ARID3A: variants seen among roughly 807,000 people sequenced by gnomAD.
ARID3A encodes the protein AT-rich interactive domain-containing protein 3A.
ARID3A carries 11 observed loss-of-function variants against 52.7 expected under a neutral mutation model. That is an observed-to-expected ratio of 0.21 (90% CI 0.13 to 0.35). The LOEUF (loss-of-function observed/expected upper bound fraction) is 0.35, where lower values mean the gene tolerates loss of function less well. ARID3A is among the 10% of genes least tolerant of loss of function. The probability of loss-of-function intolerance (pLI) is 1.00; values close to 1 mark genes in which losing one functional copy is unlikely to be tolerated. For missense variants in ARID3A, 721 were observed against 838.5 expected, an observed-to-expected ratio of 0.86 and a Z score of 1.73; for synonymous variants, 404 against 359.4, an observed-to-expected ratio of 1.12 and a Z score of -1.40.
Position 941,149 on chromosome 19 carries a change from A to G in ARID3A, c.693+8407A>G, listed in dbSNP as rs1300656576. On this transcript the variant is annotated intron_variant, in intron 3 of 8. Coordinates refer to ENST00000263620, the MANE Select transcript of ARID3A (RefSeq NM_005224.3). This position sits in a 1 kb window ranked among gnomAD's most constrained non-coding sequence, Gnocchi z 6.9. ...CCCGCCCCATGCTTTCTAATAACAC[A>G]CGCGGCAGCCCGAGGGAGCGGTGCC... Among the ~76,000 whole-genome samples the G allele has an allele frequency of 6.6e-6, 1 of 151,914 alleles. No homozygotes were observed. Among genetic ancestry groups the G allele is most frequent in the Non-Finnish European group, 1.5e-5 (1 of 67,932 alleles).
intron 2 of ARID3A, 78 bp from the exon 3 acceptor site, chr19:932,339 TG>T: frequency 6.4e-7 from 1 of 1,557,528 alleles, no homozygotes; most frequent in Non-Finnish European, 8.6e-7. Flanking sequence ...AAACTGAGGC[TG>T]GGCGGGGAGT....
chr19:926,161 C>A (rs1444461585), intron 1 of ARID3A, 102 bp downstream of exon 1: 1 of 149,324 alleles, frequency 6.7e-6, no homozygotes, highest in Admixed American at 6.6e-5. Flanking sequence ...CGACCCCAGG[C>A]GCGGGGCGCG....
At chr19:926,657 G>T (rs938416685) in intron 1 of ARID3A, among the ~76,000 whole-genome samples, 1 of 151,308 alleles carries the variant, frequency 6.6e-6, no homozygotes, top group African/African-American at 2.4e-5. Context: ...GGGCCCCCGG[G>T]GGAGACACCG....
intron 4 of ARID3A, among the ~76,000 whole-genome samples, chr19:963,228 C>T (rs2038080269): frequency 6.6e-6 from 1 of 152,210 alleles, no homozygotes; most frequent in South Asian, 2.1e-4. Context: ...ATGGGCGTCC[C>T]CTCCCACCCC....
chr19:970,505 T>C (rs989057808), intron 8 of ARID3A, among the ~76,000 whole-genome samples: 12 of 134,510 alleles, frequency 8.9e-5, no homozygotes, highest in South Asian at 2.6e-4. Context: ...TTTCTTTTTT[T>C]TTTTTTTTTT....
chr19:927,970 C>G (rs1042506102), intron 1 of ARID3A, among the ~76,000 whole-genome samples: 1 of 152,074 alleles, frequency 6.6e-6, no homozygotes, highest in Non-Finnish European at 1.5e-5. Context: ...GCAGAGGGGC[C>G]ACAGGACTCT....
At chr19:966,184 G>A (rs2038147543) in intron 6 of ARID3A, among the ~76,000 whole-genome samples, 1 of 150,958 alleles carries the variant, frequency 6.6e-6, no homozygotes, top group African/African-American at 2.4e-5. Context: ...AAAAGGCTGG[G>A]CGCGGTGGCT....
At chr19:928,946 C>T (rs894669616) in intron 1 of ARID3A, 3 of 152,268 alleles carry the variant, frequency 2.0e-5, no homozygotes, top group Admixed American at 6.5e-5. Context: ...GACTGGGGCC[C>T]GGAGCCCGCT....
Position 944,392 on chromosome 19 carries a change from C to T in ARID3A, c.693+11650C>T, listed in dbSNP as rs1396677869. Among the ~76,000 whole-genome samples the T allele has an allele frequency of 2.0e-5, 3 of 152,056 alleles. No homozygotes were observed. The highest frequency in any genetic ancestry group is 3.9e-4 in the East Asian group (2 of 5,168). Reference sequence around the variant, plus strand: ...GCTGTGTGGCTGCACGGAGGCCTGTCTGGGTAGGAGTGTCGGTGGGGGCGG... The same window carrying T: ...GCTGTGTGGCTGCACGGAGGCCTGTTTGGGTAGGAGTGTCGGTGGGGGCGG... On this transcript the variant is annotated intron_variant, in intron 3 of 8. Coordinates refer to ENST00000263620, the MANE Select transcript of ARID3A (RefSeq NM_005224.3). The surrounding 1 kb of genome is among the most constrained non-coding windows in gnomAD (Gnocchi z 5.9).
Position 941,779 on chromosome 19 carries a change from C to CTGTG in ARID3A, c.693+9063_693+9066dup, listed in dbSNP as rs34643064. Among the ~76,000 whole-genome samples the CTGTG allele has an allele frequency of 0.042, 6,211 of 146,224 alleles. 132 individuals carry two copies. The highest frequency in any genetic ancestry group is 0.055 in the African/African-American group (2,189 of 39,620). ...TCTCTTGTGTTTTGTGTGGATGTGGCTGTGTGTGTGTGTGTGTGTGTGTGT... is the reference window on the plus strand; with the variant it reads ...TCTCTTGTGTTTTGTGTGGATGTGGCTGTGTGTGTGTGTGTGTGTGTGTGTGTGT... On this transcript the variant is annotated intron_variant, in intron 3 of 8. Transcript: ENST00000263620. This position sits in a 1 kb window ranked among gnomAD's most constrained non-coding sequence, Gnocchi z 6.9.
chr19:925,890 G>C, upstream of ARID3A: 1 of 148,726 alleles, frequency 6.7e-6, no homozygotes. Context: ...GCCCTCCCGC[G>C]CCCGGGCCGC....
In ARID3A at chr19:971,513, G is replaced by T. The variant is rs548988884; in HGVS notation, c.1595-365G>T. On this transcript the variant is annotated intron_variant, in intron 8 of 8. Coordinates refer to ENST00000263620, the MANE Select transcript of ARID3A (RefSeq NM_005224.3). ...TAGTTAGTCCCAGCTACTCAGGAGG[G>T]TGAGACAGGAAAACTGCTTGAACCC... Among the ~76,000 whole-genome samples the T allele has an allele frequency of 4.1e-4, 62 of 152,052 alleles. 1 individual carries two copies. Among genetic ancestry groups the T allele is most frequent in the Non-Finnish European group, 7.9e-4 (54 of 67,994 alleles).
chr19:964,992 C>T lies in ARID3A; in HGVS notation c.1110C>T (p.Leu370=), dbSNP rs759535837. The T allele has an allele frequency of 3.1e-6, 5 of 1,613,706 alleles. No homozygotes were observed. In the African/African-American group the frequency reaches 4.0e-5, roughly 13 times the overall value. Residue 370 remains leucine, a synonymous_variant, in exon 6 of 9, where the codon CTC becomes CTT. Coordinates refer to ENST00000263620, the MANE Select transcript of ARID3A (RefSeq NM_005224.3). This position sits in a 1 kb window ranked among gnomAD's most constrained non-coding sequence, Gnocchi z 5.7. Reference sequence around the variant, plus strand: ...CGCCAGGCGGGGCACACGGCATGCTCTCCTCACCCAAGCTACCCGTGTCCT... The same window carrying T: ...CGCCAGGCGGGGCACACGGCATGCTTTCCTCACCCAAGCTACCCGTGTCCT... The part of the protein sequence containing the change: ...AYSPGGAHGM[L]SSPKLPVSSL...
chr19:946,768 C>T (rs2037692651), intron 3 of ARID3A, among the ~76,000 whole-genome samples: 1 of 151,662 alleles, frequency 6.6e-6, no homozygotes, highest in African/African-American at 2.4e-5. Flanking sequence ...ATCCCAAAGG[C>T]TTCAAAACTA....
intron 3 of ARID3A, among the ~76,000 whole-genome samples, chr19:946,466 G>A (rs1242991717): frequency 4.3e-5 from 4 of 93,876 alleles, no homozygotes; most frequent in African/African-American, 8.9e-5. Context: ...TTTTTGAGAC[G>A]GAGTCTCACT....
At position 934,476 on chromosome 19, in the gene ARID3A, T is replaced by C. The variant is rs78135700; in HGVS notation, c.693+1734T>C. Reference sequence around the variant, plus strand: ...CCGCGGGTCAGGGTTGTAGGTGCCATGTGGGGTTTTTCTGCAGCGGGAAGC... The same window carrying C: ...CCGCGGGTCAGGGTTGTAGGTGCCACGTGGGGTTTTTCTGCAGCGGGAAGC... On this transcript the variant is annotated intron_variant, in intron 3 of 8. Transcript: ENST00000263620. Among the ~76,000 whole-genome samples, 379 of 152,214 alleles carry C rather than the reference T, an allele frequency of 2.5e-3. 9 individuals are homozygous for C. In the East Asian group the frequency reaches 0.053, roughly 21 times the overall value.
intron 1 of ARID3A, among the ~76,000 whole-genome samples, chr19:927,259 C>T (rs2037220618): frequency 6.6e-6 from 1 of 152,142 alleles, no homozygotes; most frequent in Non-Finnish European, 1.5e-5. Context: ...CCGTCCCAGC[C>T]TCTCCCTTGG....
At chr19:927,356 T>TGG (rs1418321497) in intron 1 of ARID3A, among the ~76,000 whole-genome samples, 2 of 69,556 alleles carry the variant, frequency 2.9e-5, no homozygotes, top group Non-Finnish European at 6.1e-5. Context: ...TAGTTTAGGG[T>TGG]TATGGCGGCG....
Position 964,163 on chromosome 19 carries a change from T to C in ARID3A, c.767-85T>C. On this transcript the variant is annotated intron_variant, in intron 4 of 8. Transcript: ENST00000263620. This position sits in a 1 kb window ranked among gnomAD's most constrained non-coding sequence, Gnocchi z 5.7. ...CACAGCCTGGGCGGGGGAGTGCTCC[T>C]GGCATGGAGAGGGCGGAGGCCAGGA... The C allele has an allele frequency of 8.5e-7, 1 of 1,178,172 alleles. No homozygotes were observed. Among genetic ancestry groups the C allele is most frequent in the Non-Finnish European group, 1.2e-6 (1 of 829,670 alleles). 73.0% of individuals were successfully genotyped at this position (1,178,172 alleles called of 1,614,324 possible).
Sources: gnomAD v4.1 joint callset for allele counts (sites outside exome capture counted in the v4.1 genomes callset) on GRCh38, gnomAD v4.1.1 for gene constraint, Gnocchi (gnomAD v3.1) non-coding constraint, MANE v1.5 for transcripts, NCBI Gene and HGNC (gene_info 2026-07-23, HGNC 2026-07-21) for gene names.